The following KIF19 variants were observed in gnomAD, a reference collection of about 807,000 sequenced individuals.
KIF19 encodes the protein kinesin-like protein KIF19.
A neutral mutation model predicts 106.6 loss-of-function variants in KIF19; 98 were observed. The observed-to-expected ratio is 0.92, with a 90% CI of 0.78 to 1.09. The LOEUF (loss-of-function observed/expected upper bound fraction) is 1.09. Among genes scored for constraint, KIF19 ranks in the 50% least tolerant of loss-of-function variants. KIF19 has a pLI of 0.00. For missense variants in KIF19, 1,373 were observed against 1,414.3 expected (o/e 0.97, Z 0.47); for synonymous variants, 516 against 584.2 (o/e 0.88, Z 1.68).
intron 3 of KIF19, 97 bp from the exon 4 acceptor site, chr17:74,342,533 A>T: frequency 1.3e-6 from 1 of 799,948 alleles, no homozygotes; most frequent in Non-Finnish European, 2.0e-6. Context: ...GGCTCCAGGG[A>T]CAGAAACCTC....
intron 18 of KIF19, 37 bp from the exon 19 acceptor site, chr17:74,354,745 C>T (rs1327479159): frequency 3.2e-6 from 5 of 1,541,520 alleles, no homozygotes; most frequent in Middle Eastern, 1.7e-4. Context: ...GATCCCTGTG[C>T]CGCTCTCGGC....
Position 74,343,157 on chromosome 17 carries a change from G to A in KIF19, c.453G>A (p.Leu151=). The A allele has an allele frequency of 6.2e-7, 1 of 1,612,278 alleles. No individual in the cohort carries two copies. The highest frequency in any genetic ancestry group is 1.1e-5 in the South Asian group (1 of 91,028). Reference sequence around the variant, plus strand: ...AGTATGAGGTCTCCATGTCCTACCTGGAGGTGAGTCCCCCAGCCTAGGCTC... The same window carrying A: ...AGTATGAGGTCTCCATGTCCTACCTAGAGGTGAGTCCCCCAGCCTAGGCTC... The part of the protein sequence containing the change: ...DMEYEVSMSY[L]EIYNEMIRDL... The change falls in exon 5 of 20, where the codon CTG becomes CTA. Residue 151 remains leucine, a synonymous_variant. Transcript: ENST00000389916.
rs192986089 is a variant in KIF19 at position 74,336,163 on chromosome 17, G to A, written c.121-5713G>A. ...CGCTCACTGCAACCTCTGCCTCCTG[G>A]GTTCAAGAGATTCTCATGCCTCAGC... On this transcript the variant is annotated intron_variant, in intron 2 of 19. Coordinates refer to ENST00000389916, the MANE Select transcript of KIF19 (RefSeq NM_153209.4). 1.7e-3 allele frequency among the ~76,000 whole-genome samples: 255 copies of A among 152,242 alleles called. 1 individual carries two copies. Among genetic ancestry groups the A allele is most frequent in the African/African-American group, 6.0e-3 (250 of 41,530 alleles).
At chr17:74,329,467 GA>G (rs35781647) in intron 2 of KIF19, 58,496 of 135,774 alleles carry the variant, frequency 0.43, 12,177 homozygotes, top group Non-Finnish European at 0.48. Context: ...GAGAAAAAGA[GA>G]AAAAAAAAAA....
chr17:74,344,127 C>A, intron 5 of KIF19, 96 bp from the exon 6 acceptor site: 1 of 1,203,696 alleles, frequency 8.3e-7, no homozygotes, highest in African/African-American at 1.5e-5. Context: ...GAACTCTTGT[C>A]CCTTTCCTGC....
At chr17:74,342,487 T>TC in intron 3 of KIF19, 143 bp from the exon 4 acceptor site, 1 of 647,752 alleles carries the variant, frequency 1.5e-6, no homozygotes, top group South Asian at 1.8e-5. Context: ...AGACATCCCC[T>TC]CCCCCACCCC....
intron 1 of KIF19, among the ~76,000 whole-genome samples, chr17:74,327,528 CTGGAG>C (rs1402317646): frequency 6.6e-6 from 1 of 152,204 alleles, no homozygotes; most frequent in Non-Finnish European, 1.5e-5. Flanking sequence ...CTCACCCAGG[CTGGAG>C]TGAAGTGGTG....
At chr17:74,341,802 C>A in intron 2 of KIF19, 74 bp from the exon 3 acceptor site, 2 of 988,448 alleles carry the variant, frequency 2.0e-6, no homozygotes, top group Admixed American at 1.7e-5. Flanking sequence ...ACTTTGTTAA[C>A]CTTCCTGAGG....
intron 8 of KIF19, among the ~76,000 whole-genome samples, chr17:74,347,474 T>C (rs1567913483): frequency 6.6e-6 from 1 of 150,862 alleles, no homozygotes; most frequent in Non-Finnish European, 1.5e-5. Context: ...GAGGTGGAGG[T>C]TGCAGTGAGC....
chr17:74,351,730 T>G, intron 12 of KIF19, 137 bp from the exon 13 acceptor site: 1 of 1,014,808 alleles, frequency 9.9e-7, no homozygotes, highest in East Asian at 3.2e-5. Context: ...GGCCCAAGAT[T>G]CAGCTTTTAG....
In KIF19 at chr17:74,354,084, C is replaced by T. The variant is rs2382643; in HGVS notation, c.2309-78C>T. The stretch of plus-strand genomic sequence containing the variant: ...GAAACCCAGGAGGTCTGGCTCCTAC[C>T]CACGTCTGCCATGTCAGAGGAGGGT... On this transcript the variant is annotated intron_variant, in intron 17 of 19. Transcript: ENST00000389916. The T allele has an allele frequency of 5.8e-5, 86 of 1,478,360 alleles. No individual in the cohort carries two copies. In the African/African-American group the frequency reaches 1.1e-3, roughly 18 times the overall value. The allele number at this position is 1,478,360 out of a possible 1,614,324, so 91.6% of individuals were successfully genotyped here. A position where few individuals can be genotyped will look rare whatever the true frequency, so the allele number is the denominator to read the frequency against.
chr17:74,346,780 G>C lies in KIF19; in HGVS notation c.924+256G>C, dbSNP rs1424589621. The stretch of plus-strand genomic sequence containing the variant: ...CTAACCAAAGGCTGGGCAATGGGAA[G>C]GAAAAGGAGCACGTGATACCCCCAC... On this transcript the variant is annotated intron_variant, in intron 8 of 19. Transcript: ENST00000389916. The surrounding 1 kb of genome is among the most constrained non-coding windows in gnomAD (Gnocchi z 4.6). Among the ~76,000 whole-genome samples the C allele has an allele frequency of 2.6e-5, 4 of 152,230 alleles. No homozygotes were observed.
At chr17:74,338,359 C>T (rs2054273246) in intron 2 of KIF19, among the ~76,000 whole-genome samples, 1 of 152,162 alleles carries the variant, frequency 6.6e-6, no homozygotes, top group African/African-American at 2.4e-5. Context: ...GGACAGGGGC[C>T]AGATCCTAGA....
In KIF19 at chr17:74,349,299, G is replaced by T. The variant is rs141609989; in HGVS notation, c.1163G>T (p.Arg388Leu). Residue 388 changes from arginine to leucine, a missense_variant, in exon 10 of 20, where the codon CGG becomes CTG. This residue lies in a region of KIF19 where 1,020 missense variants were observed against 1,008.2 expected (regional missense o/e 1.01). Coordinates refer to ENST00000389916, the MANE Select transcript of KIF19 (RefSeq NM_153209.4). ...CGCAAGATTGATGAGCAGACTGGGC[G>T]GGGCCAGGCCCGGGGCCGGCAGGAT... ...LKRKIDEQTGRGQARGRQDRG... is the reference protein window; with the variant it reads ...LKRKIDEQTGLGQARGRQDRG... 3.7e-6 allele frequency: 6 copies of T among 1,611,984 alleles called. No homozygotes were observed. In the Admixed American group the frequency reaches 1.0e-4, roughly 27 times the overall value.
intron 2 of KIF19, among the ~76,000 whole-genome samples, chr17:74,333,842 C>CT (rs11306974): frequency 0.019 from 2,764 of 143,892 alleles, 87 homozygotes; most frequent in African/African-American, 0.066. Context: ...AACTTCACTC[C>CT]TTTTTTTTTT....
Position 74,354,374 on chromosome 17 carries a change from G to T in KIF19, c.2521G>T (p.Ala841Ser). The change falls in exon 18 of 20, where the codon GCC becomes TCC. Residue 841 changes from alanine to serine, a missense_variant. By Grantham distance (99) the Ala-to-Ser change is moderately conservative. Transcript: ENST00000389916. ...RPPSPTLQHA[A>S]SEDNLSSSTG... ...GCCCAGCCCCACACTACAGCATGCTGCCAGTGAGGACAACCTGTCCAGCAG... is the reference window on the plus strand; with the variant it reads ...GCCCAGCCCCACACTACAGCATGCTTCCAGTGAGGACAACCTGTCCAGCAG... The T allele has an allele frequency of 6.2e-7, 1 of 1,609,120 alleles. No individual in the cohort carries two copies.
At position 74,328,488 on chromosome 17, in the gene KIF19, C is replaced by G. The variant is rs1009865725; in HGVS notation, c.103C>G (p.His35Asp). 2 of 1,604,470 alleles carry G rather than the reference C, an allele frequency of 1.2e-6. No homozygotes were observed. Among genetic ancestry groups the G allele is most frequent in the Non-Finnish European group, 1.7e-6 (2 of 1,175,308 alleles). ...ELEEGATLIA[H>D]KVDEQMVVLM... ...GGAGGAAGGAGCTACCCTCATCGCCCATAAAGTGGATGAGCAGGTATGCAG... is the reference window on the plus strand; with the variant it reads ...GGAGGAAGGAGCTACCCTCATCGCCGATAAAGTGGATGAGCAGGTATGCAG... Residue 35 changes from histidine to aspartate, a missense_variant, in exon 2 of 20, where the codon CAT becomes GAT. Around this residue, in one of 3 missense-constraint regions of KIF19, gnomAD observed 348 missense variants for 389.5 expected, o/e 0.89. Transcript: ENST00000389916.
Position 74,355,218 on chromosome 17 carries a change from A to G in KIF19, c.2903A>G (p.Asn968Ser), listed in dbSNP as rs1369233436. The G allele has an allele frequency of 3.7e-6, 6 of 1,612,194 alleles. No homozygotes were observed. Among genetic ancestry groups the G allele is most frequent in the Non-Finnish European group, 4.2e-6 (5 of 1,179,338 alleles). ...GDSSPLAVPP[N>S]PGGGSRRATR... ...TCCTCACCCCTGGCTGTTCCCCCCA[A>G]CCCAGGTGGTGGTTCTCGACGGGCT... The change falls in exon 20 of 20, where the codon AAC (asparagine) becomes AGC (serine). Residue 968 changes from asparagine to serine, a missense_variant. Coordinates refer to ENST00000389916, the MANE Select transcript of KIF19 (RefSeq NM_153209.4).
At chr17:74,330,790 T>C (rs781026901) in intron 2 of KIF19, among the ~76,000 whole-genome samples, 1 of 152,194 alleles carries the variant, frequency 6.6e-6, no homozygotes, top group African/African-American at 2.4e-5. Context: ...AGAAGGCCTC[T>C]GAGCTGGGTG....
Sources: allele counts gnomAD v4.1 joint callset (sites outside exome capture counted in the v4.1 genomes callset), GRCh38; gene constraint gnomAD v4.1.1; regional missense constraint gnomAD v4.1.1; non-coding constraint Gnocchi (gnomAD v3.1); transcripts MANE v1.5; gene names NCBI Gene and HGNC (gene_info 2026-07-23, HGNC 2026-07-21).